The following FAM178B variants were observed in gnomAD, a reference collection of about 807,000 sequenced individuals.
FAM178B encodes the protein family with sequence similarity 178 member B, also known as protein FAM178B.
Under a neutral mutation model 91.7 loss-of-function variants are expected in FAM178B, and 82 were observed. The observed-to-expected ratio is 0.89, with a 90% CI of 0.75 to 1.07. FAM178B has a LOEUF of 1.07. Among genes scored for constraint, FAM178B ranks in the 50% least tolerant of loss-of-function variants. The probability of loss-of-function intolerance (pLI) is 0.00; values close to 1 mark genes in which losing one functional copy is unlikely to be tolerated. For synonymous variants in FAM178B, 368 were observed against 359.4 expected, an observed-to-expected ratio of 1.02 and a Z score of -0.27; for missense variants, 769 against 846.7, an observed-to-expected ratio of 0.91 and a Z score of 1.14.
intron 13 of FAM178B, among the ~76,000 whole-genome samples, chr2:96,898,562 G>A (rs182401758): frequency 6.6e-6 from 1 of 152,332 alleles, no homozygotes. Flanking sequence ...GCTGAGGTGG[G>A]AGGATCACCT....
At chr2:96,928,664 G>A (rs1317682108) in intron 9 of FAM178B, among the ~76,000 whole-genome samples, 1 of 152,206 alleles carries the variant, frequency 6.6e-6, no homozygotes, top group Non-Finnish European at 1.5e-5. Context: ...GAGAGTGGGG[G>A]CAGCGGGGGC....
At chr2:96,909,488 A>T (rs1038655294) in intron 12 of FAM178B, among the ~76,000 whole-genome samples, 1 of 152,136 alleles carries the variant, frequency 6.6e-6, no homozygotes, top group African/African-American at 2.4e-5. Context: ...TGCAGGTGCC[A>T]CAGCCCCCTC....
chr2:96,961,741 C>T (rs1395118000), intron 5 of FAM178B, among the ~76,000 whole-genome samples: 3 of 152,094 alleles, frequency 2.0e-5, no homozygotes, highest in Non-Finnish European at 4.4e-5. Flanking sequence ...GCGTCGCCTG[C>T]AGCCCACCAA....
intron 6 of FAM178B, among the ~76,000 whole-genome samples, chr2:96,953,988 A>C (rs2081964305): frequency 6.6e-6 from 1 of 152,194 alleles, no homozygotes; most frequent in Non-Finnish European, 1.5e-5. Context: ...GAAAGCTCAA[A>C]CGCCTTGGGT....
At chr2:96,966,429 T>C (rs2082144873) in intron 5 of FAM178B, among the ~76,000 whole-genome samples, 1 of 152,180 alleles carries the variant, frequency 6.6e-6, no homozygotes, top group Non-Finnish European at 1.5e-5. Flanking sequence ...AGCGTTAGCC[T>C]TTCTCAGGAG....
chr2:96,914,102 T>G (rs2081202844), intron 12 of FAM178B, among the ~76,000 whole-genome samples: 1 of 152,250 alleles, frequency 6.6e-6, no homozygotes, highest in African/African-American at 2.4e-5. Context: ...GTGCTGAGGA[T>G]GCAGACATGG....
Position 96,978,703 on chromosome 2 carries a change from C to T in FAM178B, c.74-6097G>A, listed in dbSNP as rs2082322785. On this transcript the variant is annotated intron_variant, in intron 1 of 16. Transcript: ENST00000490605. The stretch of plus-strand genomic sequence containing the variant: ...GCAGCGGCGTCATCTTGGCTCACTG[C>T]AAGCTCTGCCTCCCAGGTTCACGCC... Among the ~76,000 whole-genome samples, 3 of 151,218 alleles carry T rather than the reference C, an allele frequency of 2.0e-5. No individual in the cohort carries two copies. In the South Asian group the frequency reaches 6.3e-4, roughly 32 times the overall value.
chr2:96,942,588 G>A (rs930294149), intron 8 of FAM178B, among the ~76,000 whole-genome samples: 2 of 152,062 alleles, frequency 1.3e-5, no homozygotes, highest in Non-Finnish European at 2.9e-5. Flanking sequence ...GTAGAGACGG[G>A]GTTTCACTGT....
chr2:96,985,469 C>T (rs2082411271), intron 1 of FAM178B, among the ~76,000 whole-genome samples: 1 of 152,200 alleles, frequency 6.6e-6, no homozygotes, highest in African/African-American at 2.4e-5. Flanking sequence ...CCCTCATCCT[C>T]CCTCGCGTCC....
chr2:96,958,134 T>C (rs2082026763), intron 6 of FAM178B, among the ~76,000 whole-genome samples: 1 of 149,496 alleles, frequency 6.7e-6, no homozygotes, highest in African/African-American at 2.5e-5. Context: ...AGTGGCACGA[T>C]CTCAGCTCAC....
Position 96,935,175 on chromosome 2 carries a change from C to CA in FAM178B, c.1079-5856dup, listed in dbSNP as rs1167148422. Among the ~76,000 whole-genome samples the CA allele has an allele frequency of 6.2e-4, 93 of 150,732 alleles. 1 individual carries two copies. Among genetic ancestry groups the CA allele is most frequent in the African/African-American group, 1.4e-3 (57 of 40,146 alleles). ...ATGGAACAAAATTAAAACAAACAAA[C>CA]AAACAAAAACAAAAACAAAAGAAAA... On this transcript the variant is annotated intron_variant, in intron 8 of 16. Coordinates refer to ENST00000490605, the MANE Select transcript of FAM178B (RefSeq NM_001122646.3).
intron 8 of FAM178B, among the ~76,000 whole-genome samples, chr2:96,930,143 G>C (rs1255469137): frequency 7.6e-6 from 1 of 131,804 alleles, no homozygotes; most frequent in Admixed American, 9.6e-5. Context: ...GTTGTAATGA[G>C]CTGACATAGA....
intron 8 of FAM178B, among the ~76,000 whole-genome samples, chr2:96,946,061 C>T (rs1179139293): frequency 9.9e-5 from 15 of 152,268 alleles, no homozygotes; most frequent in Non-Finnish European, 4.4e-5. Flanking sequence ...AATTTGACTA[C>T]CCTGGGTACC....
rs1574164745 is a variant in FAM178B at position 96,876,068 on chromosome 2, C to A, written c.*208G>T. ...GCGAGGCAGAGAGGCCCATCCCTTG[C>A]TGAGAGGAGAGGGGGTCGGGGCGGT... On this transcript the variant is annotated 3_prime_UTR_variant, in exon 17 of 17. Transcript: ENST00000490605. The A allele has an allele frequency of 2.7e-5, 16 of 586,190 alleles. 1 individual carries two copies. In the East Asian group the frequency reaches 4.6e-4, roughly 17 times the overall value. 36.3% of individuals were successfully genotyped at this position (586,190 alleles called of 1,614,324 possible).
Position 96,875,911 on chromosome 2 carries a change from A to C in FAM178B, c.*365T>G, listed in dbSNP as rs750373555. On this transcript the variant is annotated 3_prime_UTR_variant, in exon 17 of 17. Transcript: ENST00000490605. ...GCTGAAAGAAGACTTTAATGTGCAC[A>C]AAGAAACCTCACATTAGTGACAGGG... is the stretch of plus-strand genomic sequence containing the variant. 17 of 301,320 alleles carry C rather than the reference A, an allele frequency of 5.6e-5. No homozygotes were observed. The highest frequency in any genetic ancestry group is 9.4e-5 in the Non-Finnish European group (15 of 159,102). 18.7% of individuals were successfully genotyped at this position (301,320 alleles called of 1,614,324 possible).
chr2:96,949,770 C>T (rs954267261), intron 7 of FAM178B, among the ~76,000 whole-genome samples: 2 of 152,214 alleles, frequency 1.3e-5, no homozygotes, highest in Non-Finnish European at 2.9e-5. Flanking sequence ...TGAACTGGAA[C>T]TCTGCACTAA....
At chr2:96,914,968 T>G (rs2153370331) in intron 12 of FAM178B, among the ~76,000 whole-genome samples, 1 of 148,660 alleles carries the variant, frequency 6.7e-6, no homozygotes, top group African/African-American at 2.5e-5. Flanking sequence ...TGATTCACAA[T>G]GATGTGGGGC....
intron 5 of FAM178B, among the ~76,000 whole-genome samples, chr2:96,963,190 T>C (rs1473662839): frequency 6.6e-6 from 1 of 152,242 alleles, no homozygotes; most frequent in Non-Finnish European, 1.5e-5. Context: ...TCCGGAATGC[T>C]GGAGGTACTC....
chr2:96,978,121 G>A (rs1343375370), intron 1 of FAM178B, among the ~76,000 whole-genome samples: 2 of 152,072 alleles, frequency 1.3e-5, no homozygotes, highest in Admixed American at 6.6e-5. Flanking sequence ...CTTAGTGCAC[G>A]GAAGTCGTCT....
Sources: allele counts gnomAD v4.1 joint callset (sites outside exome capture counted in the v4.1 genomes callset), GRCh38; gene constraint gnomAD v4.1.1; transcripts MANE v1.5; gene names NCBI Gene and HGNC (gene_info 2026-07-23, HGNC 2026-07-21).